CCDC93: variants seen among roughly 807,000 people sequenced by gnomAD.
CCDC93 encodes the protein CCC complex scaffolding subunit CCDC93, also known as coiled-coil domain-containing protein 93.
In CCDC93, 61 loss-of-function variants were observed where a neutral mutation model predicts 108.2. The observed-to-expected ratio is 0.56, with a 90% CI of 0.46 to 0.70. CCDC93 has a LOEUF of 0.70. Ranked by LOEUF, CCDC93 falls within the 30% of genes least tolerant of loss-of-function variation. The pLI, the probability that CCDC93 is intolerant of heterozygous loss-of-function variation, is 0.00. For synonymous variants in CCDC93, 276 were observed against 260.4 expected (o/e 1.06, Z -0.58); for missense variants, 685 against 764.2 (o/e 0.90, Z 1.22).
intron 11 of CCDC93, among the ~76,000 whole-genome samples, chr2:117,969,732 C>G (rs576555010): frequency 4.3e-4 from 65 of 152,302 alleles, no homozygotes; most frequent in African/African-American, 1.5e-3. Flanking sequence ...AAAACATAAA[C>G]ATTGTCCGAA....
chr2:118,003,121 G>C (rs1333044493), intron 3 of CCDC93, among the ~76,000 whole-genome samples: 2 of 152,150 alleles, frequency 1.3e-5, no homozygotes, highest in African/African-American at 4.8e-5. Context: ...TTCCTTTCTG[G>C]GCAGCCTGTC....
At chr2:117,931,268 G>A (rs1381865047) in intron 22 of CCDC93, 118 bp from the exon 23 acceptor site, 2 of 659,368 alleles carry the variant, frequency 3.0e-6, no homozygotes, top group Non-Finnish European at 5.3e-6. Context: ...AGTAGAGGAA[G>A]CTTCAATATA....
rs934096325 is a variant in CCDC93 at position 117,915,732 on chromosome 2, T to C, written c.*4611A>G. The C allele has an allele frequency of 2.0e-5, 3 of 152,320 alleles. No individual in the cohort carries two copies. The highest frequency in any genetic ancestry group is 7.2e-5 in the African/African-American group (3 of 41,582). 9.4% of individuals were successfully genotyped at this position (152,320 alleles called of 1,614,324 possible). On this transcript the variant is annotated 3_prime_UTR_variant, in exon 24 of 24. Transcript: ENST00000376300. ...TCCTCCCAGAGACATCCTAGGCATATGCAGGTGGACATATGATATACACGT... is the reference window on the plus strand; with the variant it reads ...TCCTCCCAGAGACATCCTAGGCATACGCAGGTGGACATATGATATACACGT...
At position 117,936,622 on chromosome 2, in the gene CCDC93, A is replaced by G. The variant is rs1678533275; in HGVS notation, c.1643+80T>C. 4 of 1,112,872 alleles carry G rather than the reference A, an allele frequency of 3.6e-6. 1 individual carries two copies. In the South Asian group the frequency reaches 4.9e-5, roughly 14 times the overall value. 68.9% of individuals were successfully genotyped at this position (1,112,872 alleles called of 1,614,324 possible). A position where few individuals can be genotyped will look rare whatever the true frequency, so the allele number is the denominator to read the frequency against. On this transcript the variant is annotated intron_variant, in intron 21 of 23. Coordinates refer to ENST00000376300, the MANE Select transcript of CCDC93 (RefSeq NM_019044.5). ...TCTTGCATGTACCTTTGTCAAGCAC[A>G]TTATAGCAATGTGAGGTGGGCTGAA... is the stretch of plus-strand genomic sequence containing the variant.
intron 22 of CCDC93, among the ~76,000 whole-genome samples, chr2:117,931,937 G>A (rs1186153103): frequency 6.6e-6 from 1 of 152,200 alleles, no homozygotes; most frequent in Non-Finnish European, 1.5e-5. Context: ...CAAAGTCACT[G>A]CTCTCACAGA....
At chr2:117,990,606 G>C (rs1680447130) in intron 6 of CCDC93, among the ~76,000 whole-genome samples, 1 of 147,296 alleles carries the variant, frequency 6.8e-6, no homozygotes, top group African/African-American at 2.5e-5. Context: ...TTAGCTATGA[G>C]GATGTCCTAC....
At chr2:117,970,554 C>T (rs1428714984) in intron 11 of CCDC93, among the ~76,000 whole-genome samples, 1 of 152,142 alleles carries the variant, frequency 6.6e-6, no homozygotes, top group Non-Finnish European at 1.5e-5. Flanking sequence ...ACTTGCATCA[C>T]AGTGACAATA....
chr2:117,959,148 G>A (rs1270431053), intron 11 of CCDC93, among the ~76,000 whole-genome samples: 1 of 152,164 alleles, frequency 6.6e-6, no homozygotes, highest in East Asian at 1.9e-4. Flanking sequence ...TGAGGTGAAT[G>A]TGATAACATT....
intron 17 of CCDC93, chr2:117,944,611 T>A (rs1678809916): frequency 2.5e-6 from 1 of 407,172 alleles, no homozygotes; most frequent in Admixed American, 2.9e-5. Flanking sequence ...CATGGCTGGA[T>A]GAGACATGGT....
In CCDC93 at chr2:117,948,134, G is replaced by C. The variant is rs748253637; in HGVS notation, c.1195C>G (p.Gln399Glu). The change falls in exon 15 of 24, where the codon CAA becomes GAA. Residue 399 changes from glutamine (Q) to glutamate (E), a missense_variant. Transcript: ENST00000376300. The stretch of plus-strand genomic sequence containing the variant: ...CAATGTGCTTTAAATTCCTGTTCTT[G>C]ACTTTTCAGATTTTCATTCATGGCT... ...LVAMNENLKS[Q>E]EQEFKAHCRE... 6.2e-7 allele frequency: 1 copy of C among 1,613,750 alleles called. No homozygotes were observed. The highest frequency in any genetic ancestry group is 1.7e-5 in the Admixed American group (1 of 60,020).
chr2:117,967,478 G>A (rs146892080), intron 11 of CCDC93, among the ~76,000 whole-genome samples: 3 of 152,284 alleles, frequency 2.0e-5, no homozygotes, highest in Non-Finnish European at 2.9e-5. Context: ...GTTAGTTCCC[G>A]GTATGCCCTA....
chr2:117,957,482 C>CTCCT lies in CCDC93; in HGVS notation c.1005+879_1005+882dup, dbSNP rs1429112582. Among the ~76,000 whole-genome samples, 451 of 152,322 alleles carry CTCCT rather than the reference C, an allele frequency of 3.0e-3. 3 individuals carry two copies. Among genetic ancestry groups the CTCCT allele is most frequent in the African/African-American group, 0.011 (440 of 41,578 alleles). ...TCCACGTCTAGACTATTGCATCAGCCTCCTACCTGTTGTCCCTGAATTCCT... is the reference window on the plus strand; with the variant it reads ...TCCACGTCTAGACTATTGCATCAGCCTCCTTCCTACCTGTTGTCCCTGAATTCCT... On this transcript the variant is annotated intron_variant, in intron 12 of 23. Coordinates refer to ENST00000376300, the MANE Select transcript of CCDC93 (RefSeq NM_019044.5).
At chr2:118,013,905 CCT>C in intron 1 of CCDC93, 47 bp downstream of exon 1, 1 of 1,502,834 alleles carries the variant, frequency 6.7e-7, no homozygotes, top group Non-Finnish European at 9.0e-7. Flanking sequence ...GCGGCTCGGC[CCT>C]CTCTTCAGGA....
rs751278316 is a variant in CCDC93, at chr2:117,985,954, G to A, written c.620+15C>T. The A allele has an allele frequency of 6.7e-7, 1 of 1,481,806 alleles. No individual in the cohort carries two copies. The highest frequency in any genetic ancestry group is 1.1e-5 in the South Asian group (1 of 88,102). 91.8% of individuals were successfully genotyped at this position (1,481,806 alleles called of 1,614,324 possible). A position where few individuals can be genotyped will look rare whatever the true frequency, so the allele number is the denominator to read the frequency against. On this transcript the variant is annotated intron_variant, in intron 7 of 23. Transcript: ENST00000376300. ...TCTTTTAAAAGAGACACCTAGACTGGGTCCCACTCATTACCTGCCATATTC... is the reference window on the plus strand; with the variant it reads ...TCTTTTAAAAGAGACACCTAGACTGAGTCCCACTCATTACCTGCCATATTC...
chr2:117,993,268 C>T (rs1279084891), intron 6 of CCDC93, among the ~76,000 whole-genome samples: 3 of 151,762 alleles, frequency 2.0e-5, no homozygotes, highest in African/African-American at 7.3e-5. Flanking sequence ...TGGTGGCGGG[C>T]GCCTGTAGTC....
At chr2:118,006,688 T>G (rs369478602) in intron 3 of CCDC93, 34 bp downstream of exon 3, 2 of 1,291,814 alleles carry the variant, frequency 1.5e-6, no homozygotes, top group African/African-American at 2.9e-5. Flanking sequence ...AGTTCCCTTC[T>G]CCCCACCTTT....
Position 117,950,894 on chromosome 2 carries a change from G to C in CCDC93, c.1068+1479C>G, listed in dbSNP as rs961411697. ...CCGGCTGCATGGCCTCTCTGCCTTA[G>C]CTTTCCCATCTGCAAAAAGGAACGA... On this transcript the variant is annotated intron_variant, in intron 13 of 23. Coordinates refer to ENST00000376300, the MANE Select transcript of CCDC93 (RefSeq NM_019044.5). 13 of 985,366 alleles carry C rather than the reference G, an allele frequency of 1.3e-5. 1 individual carries two copies. In the South Asian group the frequency reaches 6.1e-4, roughly 46 times the overall value. The allele number at this position is 985,366 out of a possible 1,614,324, so 61.0% of individuals were successfully genotyped here. A position where few individuals can be genotyped will look rare whatever the true frequency, so the allele number is the denominator to read the frequency against.
chr2:117,984,216 A>G (rs950352759), intron 7 of CCDC93, among the ~76,000 whole-genome samples: 5 of 152,274 alleles, frequency 3.3e-5, no homozygotes, highest in African/African-American at 1.2e-4. Context: ...TCCCACCCAA[A>G]AAAAACCCCC....
At position 117,995,433 on chromosome 2, in the gene CCDC93, C is replaced by T. The variant is rs550658001; in HGVS notation, c.519+13G>A. Reference sequence around the variant, plus strand: ...GCAGGACTCTGACAGAAGAATACGGCCAGGGGACTTACTGAGAGGTCCACA... The same window carrying T: ...GCAGGACTCTGACAGAAGAATACGGTCAGGGGACTTACTGAGAGGTCCACA... On this transcript the variant is annotated intron_variant, in intron 6 of 23. Coordinates refer to ENST00000376300, the MANE Select transcript of CCDC93 (RefSeq NM_019044.5). The T allele has an allele frequency of 4.7e-5, 75 of 1,603,638 alleles. 2 individuals are homozygous for T. In the South Asian group the frequency reaches 8.1e-4, roughly 17 times the overall value.
Sources: gnomAD v4.1 joint callset for allele counts (sites outside exome capture counted in the v4.1 genomes callset) on GRCh38, gnomAD v4.1.1 for gene constraint, MANE v1.5 for transcripts, NCBI Gene and HGNC (gene_info 2026-07-23, HGNC 2026-07-21) for gene names.